The following SKI variants were observed in gnomAD, a reference collection of about 807,000 sequenced individuals.
The protein encoded by SKI is ski oncogene.
A neutral mutation model predicts 59.3 loss-of-function variants in SKI; 23 were observed. The observed-to-expected ratio is 0.39, with a 90% CI of 0.28 to 0.55. SKI has a LOEUF of 0.55. SKI is among the 20% of genes least tolerant of loss of function. The pLI, the probability that SKI is intolerant of heterozygous loss-of-function variation, is 0.67. For missense variants in SKI, 1,017 were observed against 1,038.9 expected, an observed-to-expected ratio of 0.98 and a Z score of 0.29; for synonymous variants, 673 against 488.6, an observed-to-expected ratio of 1.38 and a Z score of -4.98.
chr1:2,306,859 C>A lies in SKI; in HGVS notation c.*94C>A. ...TCCGCCCGGCTCCGCCCCTGCAGCC[C>A]ACACAGCACAACGTCTTACCGTGCC... On this transcript the variant is annotated 3_prime_UTR_variant, in exon 7 of 7. Coordinates refer to ENST00000378536, the MANE Select transcript of SKI (RefSeq NM_003036.4). 2 of 857,986 alleles carry A rather than the reference C, an allele frequency of 2.3e-6. No homozygotes were observed. The highest frequency in any genetic ancestry group is 3.1e-6 in the Non-Finnish European group (2 of 637,092). The allele number at this position is 857,986 out of a possible 1,614,324, so 53.1% of individuals were successfully genotyped here. A position where few individuals can be genotyped will look rare whatever the true frequency, so the allele number is the denominator to read the frequency against.
At chr1:2,232,796 A>G in intron 1 of SKI, 1 of 152,398 alleles carries the variant, frequency 6.6e-6, no homozygotes, top group Non-Finnish European at 1.5e-5. Context: ...CCTCAGTGTA[A>G]ACTGGGGACT....
At chr1:2,239,399 A>G (rs1422232134) in intron 1 of SKI, among the ~76,000 whole-genome samples, 11 of 152,126 alleles carry the variant, frequency 7.2e-5, no homozygotes, top group Non-Finnish European at 1.5e-5. Flanking sequence ...TCTTCGAGTC[A>G]AGCCGGGCTC....
intron 1 of SKI, among the ~76,000 whole-genome samples, chr1:2,266,061 T>C (rs1329707510): frequency 6.6e-6 from 1 of 152,182 alleles, no homozygotes. Context: ...GTCTTGCTTT[T>C]GTGATTTTTT....
chr1:2,234,377 C>T (rs1311121261), intron 1 of SKI, among the ~76,000 whole-genome samples: 8 of 152,150 alleles, frequency 5.3e-5, no homozygotes, highest in Admixed American at 5.2e-4. Flanking sequence ...TCTGGGGCAG[C>T]AGGGTCACGG....
In SKI at chr1:2,306,304, G is replaced by T. The variant is rs1640575385; in HGVS notation, c.1998+54G>T. 2.8e-6 allele frequency: 4 copies of T among 1,445,542 alleles called. No homozygotes were observed. In the African/African-American group the frequency reaches 4.2e-5, roughly 15 times the overall value. The allele number at this position is 1,445,542 out of a possible 1,614,324, so 89.5% of individuals were successfully genotyped here. ...AGCACGGTGGGCGTGGAGCCGCCGT[G>T]GGCCCCGGTGGCCAGTCCTGCCCAG... On this transcript the variant is annotated intron_variant, in intron 6 of 6. Coordinates refer to ENST00000378536, the MANE Select transcript of SKI (RefSeq NM_003036.4).
At position 2,306,738 on chromosome 1, in the gene SKI, C is replaced by T. The variant is rs1357217576; in HGVS notation, c.2160C>T (p.Ser720=). The T allele has an allele frequency of 1.3e-6, 2 of 1,528,784 alleles. No individual in the cohort carries two copies. The highest frequency in any genetic ancestry group is 1.8e-6 in the Non-Finnish European group (2 of 1,140,246). The allele number at this position is 1,528,784 out of a possible 1,614,324, so 94.7% of individuals were successfully genotyped here. A position where few individuals can be genotyped will look rare whatever the true frequency, so the allele number is the denominator to read the frequency against. Residue 720 remains serine (S), a synonymous_variant, in exon 7 of 7, where the codon AGC becomes AGT. Coordinates refer to ENST00000378536, the MANE Select transcript of SKI (RefSeq NM_003036.4). ...WPRARPEAAG[S]EGAAELEP ...GGGCCCGCCCCGAGGCTGCGGGCAGCGAGGGCGCTGCGGAGCTGGAGCCGT... is the reference window on the plus strand; with the variant it reads ...GGGCCCGCCCCGAGGCTGCGGGCAGTGAGGGCGCTGCGGAGCTGGAGCCGT...
At chr1:2,236,148 G>A (rs1638746004) in intron 1 of SKI, among the ~76,000 whole-genome samples, 1 of 152,124 alleles carries the variant, frequency 6.6e-6, no homozygotes, top group South Asian at 2.1e-4. Flanking sequence ...ACACCTGGCG[G>A]CCTTGGTCAG....
Position 2,306,637 on chromosome 1 carries a change from G to A in SKI, c.2059G>A (p.Asp687Asn), listed in dbSNP as rs1399584376. ...GGCGGACCGGGAGCAGCTGCGGGCC[G>A]ACCTGCTGCGGGAGCGCGAGGCCCG... Reference protein sequence around the residue: ...AEADREQLRADLLREREAREH... With the variant: ...AEADREQLRANLLREREAREH... Residue 687 changes from aspartate to asparagine, a missense_variant, in exon 7 of 7, where the codon GAC (aspartate) becomes AAC (asparagine). Physicochemically the swap from Asp to Asn is conservative, Grantham distance 23. Transcript: ENST00000378536. The A allele has an allele frequency of 2.6e-6, 4 of 1,545,018 alleles. No homozygotes were observed. Among genetic ancestry groups the A allele is most frequent in the Non-Finnish European group, 3.5e-6 (4 of 1,145,434 alleles).
rs1186032003 is a variant in SKI, at chr1:2,269,567, A to G, written c.970-33411A>G. Among the ~76,000 whole-genome samples the G allele has an allele frequency of 1.3e-5, 2 of 152,258 alleles. No homozygotes were observed. The highest frequency in any genetic ancestry group is 1.3e-4 in the Admixed American group (2 of 15,284). ...TGGCGCCTGGTTATCAGGTGTGGTG[A>G]GGAGCTTTGCTGCCCTGGAGCGTCG... On this transcript the variant is annotated intron_variant, in intron 1 of 6. Coordinates refer to ENST00000378536, the MANE Select transcript of SKI (RefSeq NM_003036.4). The surrounding 1 kb of genome is among the most constrained non-coding windows in gnomAD (Gnocchi z 4.7).
chr1:2,264,650 C>A (rs1176556906), intron 1 of SKI, among the ~76,000 whole-genome samples: 1 of 152,040 alleles, frequency 6.6e-6, no homozygotes, highest in Non-Finnish European at 1.5e-5. Flanking sequence ...TCTGCCCTCC[C>A]CAGCTTCCCA....
In SKI at chr1:2,302,990, C is replaced by G; in HGVS notation, c.982C>G (p.Pro328Ala). The G allele has an allele frequency of 6.2e-7, 1 of 1,613,582 alleles. No individual in the cohort carries two copies. Among genetic ancestry groups the G allele is most frequent in the Non-Finnish European group, 8.5e-7 (1 of 1,180,024 alleles). Residue 328 changes from proline (P) to alanine (A), a missense_variant, in exon 2 of 7, where the codon CCT becomes GCT. Transcript: ENST00000378536. ...KRRVPRVSSEPPASIRPKTDD... is the reference protein window; with the variant it reads ...KRRVPRVSSEAPASIRPKTDD... The stretch of plus-strand genomic sequence containing the variant: ...TCATTGATCGCAGGTCTCCTCTGAG[C>G]CTCCGGCCTCCATAAGACCCAAAAC...
intron 1 of SKI, among the ~76,000 whole-genome samples, chr1:2,292,087 C>T (rs539062361): frequency 6.6e-6 from 1 of 152,250 alleles, no homozygotes; most frequent in South Asian, 2.1e-4. Context: ...TCACGTGAGC[C>T]GATTCTTGAG....
At chr1:2,301,341 TAGTGTCTCTGAAAAAAAC>T (rs987379724) in intron 1 of SKI, among the ~76,000 whole-genome samples, 10 of 152,198 alleles carry the variant, frequency 6.6e-5, no homozygotes, top group Admixed American at 1.3e-4. Flanking sequence ...ACAGCTATTT[TAGTGTCTCTGAAAAAAAC>T]CATCCACAGC....
rs1247637685 is a variant in SKI at position 2,303,934 on chromosome 1, G to A, written c.1306G>A (p.Ala436Thr). 1 of 1,611,782 alleles carries A rather than the reference G, an allele frequency of 6.2e-7. No homozygotes were observed. The highest frequency in any genetic ancestry group is 8.5e-7 in the Non-Finnish European group (1 of 1,179,576). Residue 436 changes from alanine (A) to threonine (T), a missense_variant, in exon 4 of 7, where the codon GCC becomes ACC. Ala to Thr is a moderately conservative substitution (Grantham distance 58). Coordinates refer to ENST00000378536, the MANE Select transcript of SKI (RefSeq NM_003036.4). The surrounding 1 kb of genome is among the most constrained non-coding windows in gnomAD (Gnocchi z 5.6). ...GAAGGTTGTGAGCAGCCCTCCGTGT[G>A]CCGCCGCCGTCTCCCGGGCCCCCGA... The part of the protein sequence containing the change: ...QQKVVSSPPC[A>T]AAVSRAPEPL...
intron 1 of SKI, among the ~76,000 whole-genome samples, chr1:2,252,737 C>A (rs983476066): frequency 6.6e-6 from 1 of 152,152 alleles, no homozygotes; most frequent in Non-Finnish European, 1.5e-5. Flanking sequence ...GTGCTCAGCT[C>A]TTCTGGAAGA....
intron 1 of SKI, among the ~76,000 whole-genome samples, chr1:2,283,895 C>A (rs1255773650): frequency 6.6e-6 from 1 of 152,200 alleles, no homozygotes; most frequent in African/African-American, 2.4e-5. Context: ...GCAAAGCTGA[C>A]CCGCTGGCGG....
intron 1 of SKI, among the ~76,000 whole-genome samples, chr1:2,282,868 C>T (rs1309694847): frequency 1.3e-5 from 2 of 152,228 alleles, no homozygotes; most frequent in African/African-American, 2.4e-5. Flanking sequence ...ACCTGTCACC[C>T]CGGTGTGGGC....
At chr1:2,302,782 C>T (rs781267449) in intron 1 of SKI, among the ~76,000 whole-genome samples, 196 bp from the exon 2 acceptor site, 4 of 152,186 alleles carry the variant, frequency 2.6e-5, no homozygotes, top group Non-Finnish European at 4.4e-5. Context: ...GTGCCTGTTG[C>T]GCGTGGCCTA....
At chr1:2,247,618 A>T (rs941570716) in intron 1 of SKI, among the ~76,000 whole-genome samples, 1 of 152,200 alleles carries the variant, frequency 6.6e-6, no homozygotes, top group Non-Finnish European at 1.5e-5. Context: ...GTTGGGGTGC[A>T]GCCACCAGGC....
Sources: allele counts gnomAD v4.1 joint callset (sites outside exome capture counted in the v4.1 genomes callset), GRCh38; gene constraint gnomAD v4.1.1; non-coding constraint Gnocchi (gnomAD v3.1); transcripts MANE v1.5; gene names NCBI Gene and HGNC (gene_info 2026-07-23, HGNC 2026-07-21).